The following GPD1 variants were observed in gnomAD, a reference collection of about 807,000 sequenced individuals.
GPD1 encodes glycerol-3-phosphate dehydrogenase 1.
Under a neutral mutation model 34.4 loss-of-function variants are expected in GPD1, and 19 were observed. The ratio of observed to expected loss-of-function variants is 0.55; its 90% CI spans 0.39 to 0.81. GPD1 has a LOEUF of 0.81. Ranked by LOEUF, GPD1 falls within the 30% of genes least tolerant of loss-of-function variation. GPD1 has a pLI of 0.00. For synonymous variants in GPD1, 172 were observed against 174.1 expected, an observed-to-expected ratio of 0.99 and a Z score of 0.09; for missense variants, 429 against 447.0, an observed-to-expected ratio of 0.96 and a Z score of 0.36.
At chr12:50,105,768 C>G in intron 3 of GPD1, 80 bp downstream of exon 3, 1 of 1,374,498 alleles carries the variant, frequency 7.3e-7, no homozygotes, top group Non-Finnish European at 1.0e-6. Context: ...GCAAGGAGAA[C>G]AGAAAATGGC....
At chr12:50,107,544 C>G (rs1950989572) in intron 5 of GPD1, 23 bp from the exon 6 acceptor site, 1 of 1,582,850 alleles carries the variant, frequency 6.3e-7, no homozygotes, top group African/African-American at 1.3e-5. Flanking sequence ...TCTTTTCTCA[C>G]CTATGACCTC....
rs765767693 is a variant in GPD1 at position 50,109,408 on chromosome 12, C to T, written c.954-15C>T. 13 of 1,359,284 alleles carry T rather than the reference C, an allele frequency of 9.6e-6. No homozygotes were observed. In the South Asian group the frequency reaches 1.4e-4, roughly 15 times the overall value. The allele number at this position is 1,359,284 out of a possible 1,614,324, so 84.2% of individuals were successfully genotyped here. Reference sequence around the variant, plus strand: ...GAGTGGGAGGCTAAGCTGAGCCTTTCCCTCTCCAATCTAGGTTTCCCTTGT... The same window carrying T: ...GAGTGGGAGGCTAAGCTGAGCCTTTTCCTCTCCAATCTAGGTTTCCCTTGT... On this transcript the variant is annotated splice_polypyrimidine_tract_variant and intron_variant, in intron 7 of 7. Transcript: ENST00000301149.
chr12:50,107,008 C>T, intron 5 of GPD1, 91 bp downstream of exon 5: 1 of 785,800 alleles, frequency 1.3e-6, no homozygotes, highest in South Asian at 1.4e-5. Flanking sequence ...ACTCCAGGCT[C>T]TCACTATTGA....
At chr12:50,107,500 T>G in intron 5 of GPD1, 67 bp from the exon 6 acceptor site, 1 of 1,169,856 alleles carries the variant, frequency 8.5e-7, no homozygotes, top group Non-Finnish European at 1.3e-6. Flanking sequence ...GAAATGAGTA[T>G]GAGGGGGCTC....
At chr12:50,107,454 C>T in intron 5 of GPD1, 113 bp from the exon 6 acceptor site, 1 of 868,824 alleles carries the variant, frequency 1.2e-6, no homozygotes, top group South Asian at 1.3e-5. Flanking sequence ...AGGCCACACA[C>T]TATACCTCTC....
chr12:50,104,090 T>C lies in GPD1; in HGVS notation c.40T>C (p.Trp14Arg), dbSNP rs1260178617. Reference sequence around the variant, plus strand: ...AGTCTGCATTGTAGGCTCCGGGAACTGGTAAGCAGCTCTGTCAAGTGATAT... The same window carrying C: ...AGTCTGCATTGTAGGCTCCGGGAACCGGTAAGCAGCTCTGTCAAGTGATAT... ...KKVCIVGSGN[W>R]GSAIAKIVGG... The change falls in exon 1 of 8, where the codon TGG (tryptophan) becomes CGG (arginine). Residue 14 changes from tryptophan to arginine, a missense_variant and splice_region_variant. Trp to Arg is a moderately radical substitution (Grantham distance 101, BLOSUM62 -3). Transcript: ENST00000301149. The C allele has an allele frequency of 1.2e-6, 2 of 1,613,948 alleles. No individual in the cohort carries two copies. Among genetic ancestry groups the C allele is most frequent in the Non-Finnish European group, 1.7e-6 (2 of 1,179,900 alleles).
At chr12:50,105,760 AAGG>A (rs1156870753) in intron 3 of GPD1, 72 bp downstream of exon 3, 8 of 1,494,404 alleles carry the variant, frequency 5.4e-6, no homozygotes, top group East Asian at 4.5e-5. Flanking sequence ...TGGGTGAAGC[AAGG>A]AGAACAGAAA....
chr12:50,109,655 C>T lies in GPD1; in HGVS notation c.*136C>T. 1.6e-6 allele frequency: 1 copy of T among 611,308 alleles called. No individual in the cohort carries two copies. Among genetic ancestry groups the T allele is most frequent in the Non-Finnish European group, 3.0e-6 (1 of 338,160 alleles). The allele number at this position is 611,308 out of a possible 1,614,324, so 37.9% of individuals were successfully genotyped here. A position where few individuals can be genotyped will look rare whatever the true frequency, so the allele number is the denominator to read the frequency against. On this transcript the variant is annotated 3_prime_UTR_variant, in exon 8 of 8. Transcript: ENST00000301149. ...CATCTTTTCACTGGAGGACAGGAGG[C>T]TATGGGGCCCAGCTACGCACCTGGA...
At chr12:50,104,350 G>A (rs1483505419) in intron 1 of GPD1, 2 of 705,740 alleles carry the variant, frequency 2.8e-6, no homozygotes, top group Non-Finnish European at 5.2e-6. Context: ...GTGGGAAGAT[G>A]AGAAGTGGGG....
In GPD1 at chr12:50,104,044, C is replaced by G; in HGVS notation, c.-7C>G. The G allele has an allele frequency of 6.2e-7, 1 of 1,614,020 alleles. No homozygotes were observed. Among genetic ancestry groups the G allele is most frequent in the Non-Finnish European group, 8.5e-7 (1 of 1,179,966 alleles). ...CACTGAGCCGGCTCAGGCAGAGACG[C>G]GGCACCATGGCTAGCAAGAAAGTCT... On this transcript the variant is annotated 5_prime_UTR_variant, in exon 1 of 8. Coordinates refer to ENST00000301149, the MANE Select transcript of GPD1 (RefSeq NM_005276.4).
At chr12:50,106,543 A>G (rs768312932) in intron 4 of GPD1, 117 bp downstream of exon 4, 16 of 1,035,572 alleles carry the variant, frequency 1.5e-5, no homozygotes, top group Non-Finnish European at 2.3e-5. Context: ...AAATACAAGC[A>G]TCAGAGGTGA....
rs1456072983 is a variant in GPD1, at chr12:50,104,511, G to A, written c.42-63G>A. On this transcript the variant is annotated intron_variant, in intron 1 of 7. Transcript: ENST00000301149. ...CTGCTGTGAGATCCTGAGGTGGGGC[G>A]CTGCCCCAACTCCTGCCACTGTTCC... 35 of 1,263,624 alleles carry A rather than the reference G, an allele frequency of 2.8e-5. 1 individual carries two copies. In the South Asian group the frequency reaches 2.9e-4, roughly 10 times the overall value. The allele number at this position is 1,263,624 out of a possible 1,614,324, so 78.3% of individuals were successfully genotyped here.
Position 50,108,069 on chromosome 12 carries a change from C to T in GPD1, c.892C>T (p.Gln298Ter). The T allele has an allele frequency of 6.2e-7, 1 of 1,613,222 alleles. No individual in the cohort carries two copies. Among genetic ancestry groups the T allele is most frequent in the Non-Finnish European group, 8.5e-7 (1 of 1,179,422 alleles). ...AGAGTTGCTGAATGGGCAGAAACTGCAGGGGCCCGAGACAGCCCGGGAGCT... is the reference window on the plus strand; with the variant it reads ...AGAGTTGCTGAATGGGCAGAAACTGTAGGGGCCCGAGACAGCCCGGGAGCT... ...EKELLNGQKL[Q>*]GPETARELYS... The change falls in exon 7 of 8, where the codon CAG (glutamine) becomes TAG (stop). Residue 298 changes from glutamine to a stop codon, truncating the protein, a stop_gained. Coordinates refer to ENST00000301149, the MANE Select transcript of GPD1 (RefSeq NM_005276.4). LOFTEE classifies it high-confidence loss of function.
chr12:50,108,314 A>G (rs1005161953), intron 7 of GPD1, among the ~76,000 whole-genome samples, 184 bp downstream of exon 7: 3 of 152,150 alleles, frequency 2.0e-5, no homozygotes, highest in Admixed American at 6.5e-5. Context: ...CAGCTAGTTC[A>G]TGGTCTTTGA....
rs776072071 is a variant in GPD1, at chr12:50,105,677, T to G, written c.349T>G (p.Ser117Ala). 6.2e-7 allele frequency: 1 copy of G among 1,614,120 alleles called. No homozygotes were observed. Among genetic ancestry groups the G allele is most frequent in the Admixed American group, 1.7e-5 (1 of 60,020 alleles). ...GHLKANATGISLIKGVDEGPN... is the reference protein window; with the variant it reads ...GHLKANATGIALIKGVDEGPN... ...TCTGAAGGCAAACGCCACTGGCATA[T>G]CTCTTATTAAGGTGCCAGGGACACC... The change falls in exon 3 of 8, where the codon TCT (serine) becomes GCT (alanine). Residue 117 changes from serine to alanine, a missense_variant. By Grantham distance (99) the Ser-to-Ala change is moderately conservative. Coordinates refer to ENST00000301149, the MANE Select transcript of GPD1 (RefSeq NM_005276.4).
At position 50,109,696 on chromosome 12, in the gene GPD1, A is replaced by C. The variant is rs1357998487; in HGVS notation, c.*177A>C. On this transcript the variant is annotated 3_prime_UTR_variant, in exon 8 of 8. Transcript: ENST00000301149. ...CGCACCTGGAGATCCTGAACTGTCA[A>C]GCCACTGGCAGCCTCATGCCACCAC... is the stretch of plus-strand genomic sequence containing the variant. 3.5e-6 allele frequency: 2 copies of C among 573,912 alleles called. No homozygotes were observed. The highest frequency in any genetic ancestry group is 3.7e-5 in the African/African-American group (2 of 53,368). 35.6% of individuals were successfully genotyped at this position (573,912 alleles called of 1,614,324 possible).
rs772682777 is a variant in GPD1, at chr12:50,106,293, A to G, written c.366A>G (p.Val122=). 1.9e-6 allele frequency: 3 copies of G among 1,609,250 alleles called. No individual in the cohort carries two copies. The African/African-American group carries it at 4.0e-5, about 22-fold the overall frequency. ...GAGCTCCATCCTGTGCTCAGGGGGT[A>G]GACGAGGGCCCCAATGGGCTGAAGC... The part of the protein sequence containing the change: ...NATGISLIKG[V]DEGPNGLKLI... Residue 122 remains valine (V), a synonymous_variant, in exon 4 of 8, where the codon GTA becomes GTG. Transcript: ENST00000301149.
chr12:50,107,765 C>T lies in GPD1; in HGVS notation c.811C>T (p.Arg271Trp), dbSNP rs1334012344. 1.1e-5 allele frequency: 17 copies of T among 1,613,942 alleles called. 1 individual carries two copies. The highest frequency in any genetic ancestry group is 8.8e-5 in the South Asian group (8 of 91,074). Residue 271 changes from arginine (R) to tryptophan (W), a missense_variant, in exon 6 of 8, where the codon CGG becomes TGG. By Grantham distance (101) the Arg-to-Trp change is moderately radical. Transcript: ENST00000301149. ...LITTCYGGRNRKVAEAFARTG... is the reference protein window; with the variant it reads ...LITTCYGGRNWKVAEAFARTG... Reference sequence around the variant, plus strand: ...CACTACCTGCTATGGAGGGCGGAACCGGAAAGTGGCTGAGGCCTTTGCGCG... The same window carrying T: ...CACTACCTGCTATGGAGGGCGGAACTGGAAAGTGGCTGAGGCCTTTGCGCG...
At chr12:50,105,710 G>T in intron 3 of GPD1, 22 bp downstream of exon 3, 1 of 1,612,902 alleles carries the variant, frequency 6.2e-7, no homozygotes, top group South Asian at 1.1e-5. Context: ...ACCTTCATGT[G>T]GATGGGGGAG....
Sources: allele counts gnomAD v4.1 joint callset (sites outside exome capture counted in the v4.1 genomes callset), GRCh38; gene constraint gnomAD v4.1.1; transcripts MANE v1.5; gene names NCBI Gene and HGNC (gene_info 2026-07-23, HGNC 2026-07-21).